Variants in ECHDC2 observed in about 807,000 individuals in gnomAD.
ECHDC2 encodes enoyl-CoA hydratase domain-containing protein 2, mitochondrial.
Under a neutral mutation model 40.6 loss-of-function variants are expected in ECHDC2, and 34 were observed. That is an observed-to-expected ratio of 0.84 (90% CI 0.64 to 1.11). The LOEUF (loss-of-function observed/expected upper bound fraction) is 1.11, where lower values mean the gene tolerates loss of function less well. Among genes scored for constraint, ECHDC2 ranks in the 50% most tolerant of loss-of-function variants. The pLI is 0.00. For missense variants in ECHDC2, 392 were observed against 400.7 expected (o/e 0.98, Z 0.19); for synonymous variants, 162 against 166.6 (o/e 0.97, Z 0.21).
At position 52,904,772 on chromosome 1, in the gene ECHDC2, C is replaced by T. The variant is rs758365759; in HGVS notation, c.576G>A (p.Thr192=). ...GVALAKELIF[T]GRRLSGTEAH... is the part of the protein sequence containing the mutation. ...CCTCAGTTCCACTCAGTCGTCGGCC[C>T]GTGAAGATGAGCTCCTTCGCCAGGG... is the stretch of plus-strand genomic sequence containing the variant. The change falls in exon 7 of 10, where the codon ACG becomes ACA. Residue 192 remains threonine, a synonymous_variant. Transcript: ENST00000371522. 8.1e-6 allele frequency: 13 copies of T among 1,612,980 alleles called. No homozygotes were observed. Among genetic ancestry groups the T allele is most frequent in the East Asian group, 2.2e-5 (1 of 44,882 alleles).
intron 1 of ECHDC2, among the ~76,000 whole-genome samples, chr1:52,919,071 C>G (rs998431761): frequency 3.3e-5 from 5 of 152,136 alleles, no homozygotes; most frequent in African/African-American, 1.2e-4. Flanking sequence ...TTGTTGCGAG[C>G]TCCTTATGAG....
chr1:52,911,735 G>C lies in ECHDC2; in HGVS notation c.177C>G (p.Val59=). 6.2e-7 allele frequency: 1 copy of C among 1,613,844 alleles called. No homozygotes were observed. Among genetic ancestry groups the C allele is most frequent in the Non-Finnish European group, 8.5e-7 (1 of 1,179,810 alleles). The change falls in exon 2 of 10, where the codon GTC becomes GTG. Residue 59 remains valine (V), a synonymous_variant. Coordinates refer to ENST00000371522, the MANE Select transcript of ECHDC2 (RefSeq NM_001198961.2). ...CGCCCTTTCTTACCTCACTGACGAA[G>C]ACATTCCCCAAGGCATTGCGGGCAG... The part of the protein sequence containing the change: ...RPSARNALGN[V]FVSELLETLA...
chr1:52,897,654 G>C, intron 8 of ECHDC2, 170 bp from the exon 9 acceptor site: 1 of 683,734 alleles, frequency 1.5e-6, no homozygotes, highest in East Asian at 2.7e-5. Context: ...AAAACTGCTG[G>C]GAGAAACGAG....
intron 7 of ECHDC2, chr1:52,899,461 C>T: frequency 1.8e-6 from 1 of 567,100 alleles, no homozygotes; most frequent in Non-Finnish European, 3.1e-6. Context: ...TTCAGCCCAT[C>T]CTTCCAACAT....
At chr1:52,906,113 T>G (rs1647735899) in intron 5 of ECHDC2, 1 of 353,444 alleles carries the variant, frequency 2.8e-6, no homozygotes, top group Non-Finnish European at 5.6e-6. Context: ...GGTGCCAGTA[T>G]TCCTGCCCAG....
intron 4 of ECHDC2, 40 bp from the exon 5 acceptor site, chr1:52,906,651 T>C: frequency 6.5e-7 from 1 of 1,544,220 alleles, no homozygotes; most frequent in East Asian, 2.3e-5. Context: ...AAAGCCCTGG[T>C]GGGACCAGGA....
At chr1:52,921,523 T>A in intron 1 of ECHDC2, 30 bp downstream of exon 1, 1 of 1,598,770 alleles carries the variant, frequency 6.3e-7, no homozygotes. Context: ...CCCAGTCGCG[T>A]CATGCGCCGC....
Position 52,899,781 on chromosome 1 carries a change from GC to G in ECHDC2, c.703-558del, listed in dbSNP as rs1237143176. On this transcript the variant is annotated intron_variant, in intron 7 of 9. Transcript: ENST00000371522. ...GAACTTGGGCTTTCAAGTCGACAGG[GC>G]TGTGTTGAAATCCTGGTCTGTGGGG... is the stretch of plus-strand genomic sequence containing the variant. 6 of 158,534 alleles carry G rather than the reference GC, an allele frequency of 3.8e-5. 1 individual carries two copies. Among genetic ancestry groups the G allele is most frequent in the Admixed American group, 1.8e-4 (3 of 17,078 alleles). 9.8% of individuals were successfully genotyped at this position (158,534 alleles called of 1,614,324 possible). A position where few individuals can be genotyped will look rare whatever the true frequency, so the allele number is the denominator to read the frequency against.
intron 1 of ECHDC2, among the ~76,000 whole-genome samples, chr1:52,918,859 C>A (rs1323353180): frequency 1.3e-5 from 2 of 152,028 alleles, no homozygotes; most frequent in East Asian, 3.9e-4. Context: ...TCCCCAACCC[C>A]CGGGCTGTGG....
At chr1:52,915,312 A>T (rs1417178225) in intron 1 of ECHDC2, 1 of 456,080 alleles carries the variant, frequency 2.2e-6, no homozygotes, top group East Asian at 6.9e-5. Flanking sequence ...AGCAGTGTTT[A>T]TGAAGTTGGC....
At chr1:52,913,774 C>T (rs984126911) in intron 1 of ECHDC2, 4 of 263,238 alleles carry the variant, frequency 1.5e-5, no homozygotes, top group African/African-American at 4.6e-5. Flanking sequence ...TGTCGCCACC[C>T]GGGGGCCCTA....
chr1:52,916,693 C>T (rs1338021463), intron 1 of ECHDC2, among the ~76,000 whole-genome samples: 3 of 152,192 alleles, frequency 2.0e-5, no homozygotes, highest in African/African-American at 7.2e-5. Flanking sequence ...ATTTAATTTG[C>T]ACTACCACAT....
At position 52,911,732 on chromosome 1, in the gene ECHDC2, G is replaced by T; in HGVS notation, c.180C>A (p.Phe60Leu). The T allele has an allele frequency of 6.2e-7, 1 of 1,613,890 alleles. No individual in the cohort carries two copies. The highest frequency in any genetic ancestry group is 8.5e-7 in the Non-Finnish European group (1 of 1,179,880). The change falls in exon 2 of 10, where the codon TTC (phenylalanine) becomes TTA (leucine). Residue 60 changes from phenylalanine (F) to leucine (L), a missense_variant. By Grantham distance (22) the Phe-to-Leu change is conservative (BLOSUM62 0). Coordinates refer to ENST00000371522, the MANE Select transcript of ECHDC2 (RefSeq NM_001198961.2). ...PSARNALGNV[F>L]VSELLETLAQ... is the part of the protein sequence containing the mutation. ...GCCCGCCCTTTCTTACCTCACTGACGAAGACATTCCCCAAGGCATTGCGGG... is the reference window on the plus strand; with the variant it reads ...GCCCGCCCTTTCTTACCTCACTGACTAAGACATTCCCCAAGGCATTGCGGG...
chr1:52,908,173 CCTT>C (rs1197995289), intron 3 of ECHDC2, among the ~76,000 whole-genome samples: 1 of 152,150 alleles, frequency 6.6e-6, no homozygotes, highest in Non-Finnish European at 1.5e-5. Context: ...AAAATGGAAA[CCTT>C]CTGTGCATCA....
At chr1:52,916,527 A>G (rs527634055) in intron 1 of ECHDC2, among the ~76,000 whole-genome samples, 73 of 152,336 alleles carry the variant, frequency 4.8e-4, no homozygotes, top group Non-Finnish European at 9.0e-4. Flanking sequence ...GTTAGGATTA[A>G]AAGAGATAAT....
At chr1:52,917,791 ACTCAAATG>A (rs1651036789) in intron 1 of ECHDC2, among the ~76,000 whole-genome samples, 1 of 152,042 alleles carries the variant, frequency 6.6e-6, no homozygotes, top group South Asian at 2.1e-4. Context: ...GCAATGCAAC[ACTCAAATG>A]CTGGTGGTGA....
Position 52,907,911 on chromosome 1 carries a change from C to G in ECHDC2, c.321G>C (p.Val107=). The change falls in exon 4 of 10, where the codon GTG becomes GTC. Residue 107 remains valine (V), a synonymous_variant. Coordinates refer to ENST00000371522, the MANE Select transcript of ECHDC2 (RefSeq NM_001198961.2). ...KEREQMSEAE[V]GVFVQRLRGL... ...CCCGGAGTCGCTGGACAAACACCCCCACCTCTGCTTCACTCATCTGTTCCC... is the reference window on the plus strand; with the variant it reads ...CCCGGAGTCGCTGGACAAACACCCCGACCTCTGCTTCACTCATCTGTTCCC... 3 of 1,614,158 alleles carry G rather than the reference C, an allele frequency of 1.9e-6. No homozygotes were observed. Among genetic ancestry groups the G allele is most frequent in the Non-Finnish European group, 2.5e-6 (3 of 1,180,016 alleles).
intron 1 of ECHDC2, among the ~76,000 whole-genome samples, chr1:52,921,078 A>C (rs1651771492): frequency 6.6e-6 from 1 of 152,280 alleles, no homozygotes; most frequent in South Asian, 2.1e-4. Context: ...TGGAGCCAGA[A>C]GGACGCAAAG....
chr1:52,911,532 C>T, intron 3 of ECHDC2, 34 bp downstream of exon 3: 1 of 1,607,486 alleles, frequency 6.2e-7, no homozygotes, highest in African/African-American at 1.3e-5. Flanking sequence ...GGGCACCCTG[C>T]AGAGCACAGA....
Sources: allele counts gnomAD v4.1 joint callset (sites outside exome capture counted in the v4.1 genomes callset), GRCh38; gene constraint gnomAD v4.1.1; transcripts MANE v1.5; gene names NCBI Gene and HGNC (gene_info 2026-07-23, HGNC 2026-07-21).